Variants in DDHD1 observed in about 807,000 individuals in gnomAD.
DDHD1 encodes the protein DDHD domain containing 1, also known as phospholipase DDHD1.
Under a neutral mutation model 96.4 loss-of-function variants are expected in DDHD1, and 49 were observed. That is an observed-to-expected ratio of 0.51 (90% CI 0.40 to 0.64). The LOEUF (loss-of-function observed/expected upper bound fraction) is 0.64. DDHD1 is among the 30% of genes least tolerant of loss of function. The pLI, the probability that DDHD1 is intolerant of heterozygous loss-of-function variation, is 0.00. For missense variants in DDHD1, 1,106 were observed against 1,161.2 expected, an observed-to-expected ratio of 0.95 and a Z score of 0.69; for synonymous variants, 442 against 446.5, an observed-to-expected ratio of 0.99 and a Z score of 0.13.
chr14:53,142,421 TAAG>T, intron 1 of DDHD1, among the ~76,000 whole-genome samples: 1 of 124,004 alleles, frequency 8.1e-6, no homozygotes, highest in South Asian at 2.4e-4. Context: ...GTCTCCATCA[TAAG>T]AAGAATTGTG....
Position 53,040,488 on chromosome 14 carries a change from G to A in DDHD1, c.*6280C>T, listed in dbSNP as rs975866569. The A allele has an allele frequency of 3.3e-5, 5 of 152,150 alleles. No homozygotes were observed. Among genetic ancestry groups the A allele is most frequent in the Admixed American group, 3.3e-4 (5 of 15,268 alleles). The allele number at this position is 152,150 out of a possible 1,614,324, so 9.4% of individuals were successfully genotyped here. ...TAGGGCACAACTACTTGTTTCGGGT[G>A]AGCAAGATAACAAACGGATCAATTC... On this transcript the variant is annotated 3_prime_UTR_variant, in exon 13 of 13. Coordinates refer to ENST00000673822, the MANE Select transcript of DDHD1 (RefSeq NM_001160148.2).
At chr14:53,118,993 AGT>A (rs559561250) in intron 1 of DDHD1, among the ~76,000 whole-genome samples, 2 of 152,310 alleles carry the variant, frequency 1.3e-5, no homozygotes, top group East Asian at 3.9e-4. Context: ...GCCAGAAGAG[AGT>A]GGGGGCCAAT....
chr14:53,117,351 C>T (rs569028378), intron 1 of DDHD1, among the ~76,000 whole-genome samples: 1 of 152,084 alleles, frequency 6.6e-6, no homozygotes, highest in Non-Finnish European at 1.5e-5. Context: ...GTCGCCTCAC[C>T]CAGGAAGCAG....
intron 2 of DDHD1, among the ~76,000 whole-genome samples, chr14:53,097,463 T>C (rs1886973617): frequency 6.6e-6 from 1 of 152,020 alleles, no homozygotes; most frequent in African/African-American, 2.4e-5. Context: ...TGCAATTTTC[T>C]TCACTGAAAA....
chr14:53,084,815 G>C (rs10130330), intron 4 of DDHD1, among the ~76,000 whole-genome samples: 4,781 of 152,300 alleles, frequency 0.031, 249 homozygotes, highest in African/African-American at 0.11. Context: ...CCGAAGCAGG[G>C]TGGGGCATTG....
rs376211662 is a variant in DDHD1, at chr14:53,091,487, ATCT to A, written c.1289+295_1289+297del. 3.9e-3 allele frequency among the ~76,000 whole-genome samples: 589 copies of A among 152,288 alleles called. 7 individuals carry two copies. Among genetic ancestry groups the A allele is most frequent in the African/African-American group, 0.014 (562 of 41,546 alleles). ...AGAGTAAGATGTAACTTAAAACTAG[ATCT>A]TCTTCTTGCTTTCAATGTTAGATTA... On this transcript the variant is annotated intron_variant, in intron 4 of 12. Coordinates refer to ENST00000673822, the MANE Select transcript of DDHD1 (RefSeq NM_001160148.2).
At chr14:53,079,854 CTT>C (rs932227483) in intron 4 of DDHD1, among the ~76,000 whole-genome samples, 3 of 152,032 alleles carry the variant, frequency 2.0e-5, no homozygotes, top group African/African-American at 7.3e-5. Context: ...GTGCATGCCT[CTT>C]TTATTTTTTG....
rs551975943 is a variant in DDHD1, at chr14:53,072,874, G to GA, written c.1397-172dup. Among the ~76,000 whole-genome samples, 1,000 of 144,644 alleles carry GA rather than the reference G, an allele frequency of 6.9e-3. 9 individuals are homozygous for GA. The highest frequency in any genetic ancestry group is 0.023 in the African/African-American group (903 of 39,720). 94.9% of individuals were successfully genotyped at this position (144,644 alleles called of 152,430 possible). A position where few individuals can be genotyped will look rare whatever the true frequency, so the allele number is the denominator to read the frequency against. ...CTTCCCTTCCTATAAAATACTTCAAGAAAAAAAAAACAGTAAAAGACAACA... is the reference window on the plus strand; with the variant it reads ...CTTCCCTTCCTATAAAATACTTCAAGAAAAAAAAAAACAGTAAAAGACAACA... On this transcript the variant is annotated intron_variant, in intron 5 of 12. Transcript: ENST00000673822.
chr14:53,152,479 C>T lies in DDHD1; in HGVS notation c.620G>A (p.Gly207Asp), dbSNP rs754012753. 2.5e-6 allele frequency: 4 copies of T among 1,612,954 alleles called. No individual in the cohort carries two copies. The African/African-American group carries it at 5.3e-5, about 22-fold the overall frequency. The change falls in exon 1 of 13, where the codon GGC (glycine) becomes GAC (aspartate). Residue 207 changes from glycine to aspartate, a missense_variant. Coordinates refer to ENST00000673822, the MANE Select transcript of DDHD1 (RefSeq NM_001160148.2). ...CACATGGTCGCCGTCCCGGTCCCCG[C>T]CCTGGGGCCGGGCACCCGTGGTCTG... ...LLQTTGARPQ[G>D]GDRDGDHVCS... is the part of the protein sequence containing the mutation.
Position 53,152,897 on chromosome 14 carries a change from C to T in DDHD1, c.202G>A (p.Ala68Thr). 3 of 1,608,828 alleles carry T rather than the reference C, an allele frequency of 1.9e-6. No individual in the cohort carries two copies. Among genetic ancestry groups the T allele is most frequent in the Non-Finnish European group, 2.5e-6 (3 of 1,177,896 alleles). Residue 68 changes from alanine to threonine, a missense_variant, in exon 1 of 13, where the codon GCG (alanine) becomes ACG (threonine). Physicochemically the swap from Ala to Thr is moderately conservative, Grantham distance 58. This residue lies in a region of DDHD1 where 456 missense variants were observed against 402.4 expected (regional missense o/e 1.13). Transcript: ENST00000673822. ...LLRGEPGLHL[A>T]PGTDDHNHHL... is the part of the protein sequence containing the mutation. ...TGGTTGTGGTCGTCGGTGCCCGGCG[C>T]CAAATGCAGCCCGGGTTCCCCGCGC...
intron 12 of DDHD1, among the ~76,000 whole-genome samples, chr14:53,049,535 C>T (rs1471456883): frequency 6.6e-6 from 1 of 151,658 alleles, no homozygotes; most frequent in Non-Finnish European, 1.5e-5. Context: ...AGCTCTTGGC[C>T]AAAGTAGGCT....
chr14:53,153,167 T>G lies in DDHD1; in HGVS notation c.-69A>C. The G allele has an allele frequency of 8.4e-7, 1 of 1,195,358 alleles. No homozygotes were observed. The highest frequency in any genetic ancestry group is 1.1e-6 in the Non-Finnish European group (1 of 920,754). 74.0% of individuals were successfully genotyped at this position (1,195,358 alleles called of 1,614,324 possible). A position where few individuals can be genotyped will look rare whatever the true frequency, so the allele number is the denominator to read the frequency against. ...GACCCCCAGCGCTTCCGCCACACAT[T>G]CAACGCCGCCGCCCTCTCCACCCGA... On this transcript the variant is annotated 5_prime_UTR_variant, in exon 1 of 13. Transcript: ENST00000673822.
At chr14:53,109,589 G>A (rs1394025351) in intron 1 of DDHD1, among the ~76,000 whole-genome samples, 1 of 152,152 alleles carries the variant, frequency 6.6e-6, no homozygotes, top group Non-Finnish European at 1.5e-5. Context: ...ATATATATGT[G>A]TGTGTGCATG....
At chr14:53,112,858 C>T (rs1414986709) in intron 1 of DDHD1, among the ~76,000 whole-genome samples, 1 of 152,030 alleles carries the variant, frequency 6.6e-6, no homozygotes, top group Non-Finnish European at 1.5e-5. Flanking sequence ...TGGCTGCATG[C>T]TATTCATGAT....
intron 4 of DDHD1, among the ~76,000 whole-genome samples, chr14:53,088,805 TG>T (rs1451983204): frequency 6.6e-6 from 1 of 152,202 alleles, no homozygotes; most frequent in Non-Finnish European, 1.5e-5. Context: ...TACATAGTGT[TG>T]GAAGTTCTGG....
chr14:53,052,010 GAAC>G (rs1448528415), intron 11 of DDHD1, 83 bp from the exon 12 acceptor site: 13 of 933,338 alleles, frequency 1.4e-5, no homozygotes, highest in Admixed American at 2.1e-5. Context: ...CCAAAAGTTA[GAAC>G]AATACTCCCA....
chr14:53,072,569 C>T, intron 6 of DDHD1, 28 bp downstream of exon 6: 1 of 1,334,542 alleles, frequency 7.5e-7, no homozygotes, highest in South Asian at 1.6e-5. Flanking sequence ...TAAAAAATAC[C>T]CACCAGCAAG....
chr14:53,086,972 C>CAAAAAAAAAAAAA (rs60569444), intron 4 of DDHD1, among the ~76,000 whole-genome samples: 6 of 52,220 alleles, frequency 1.1e-4, no homozygotes, highest in African/African-American at 2.1e-4. Context: ...AAATGAAAAG[C>CAAAAAAAAAAAAA]AAAAAAAAAA....
intron 6 of DDHD1, among the ~76,000 whole-genome samples, chr14:53,069,892 TC>T (rs943680935): frequency 6.6e-5 from 10 of 152,320 alleles, no homozygotes; most frequent in African/African-American, 2.2e-4. Context: ...CCCATGAAAT[TC>T]ATCTGGATCA....
Sources: gnomAD v4.1 joint callset for allele counts (sites outside exome capture counted in the v4.1 genomes callset) on GRCh38, gnomAD v4.1.1 for gene constraint, gnomAD v4.1.1 regional missense constraint, MANE v1.5 for transcripts, NCBI Gene and HGNC (gene_info 2026-07-23, HGNC 2026-07-21) for gene names.